Variants in LLGL2 observed in about 807,000 individuals in gnomAD.
LLGL2 encodes the protein LLGL2, scribble cell polarity complex component.
In LLGL2, 81 loss-of-function variants were observed where a neutral mutation model predicts 123.2. That is an observed-to-expected ratio of 0.66 (90% CI 0.55 to 0.79). The LOEUF (loss-of-function observed/expected upper bound fraction) is 0.79. LLGL2 is among the 30% of genes least tolerant of loss of function. LLGL2 has a pLI of 0.00. For missense variants in LLGL2, 1,273 were observed against 1,414.6 expected, an observed-to-expected ratio of 0.90 and a Z score of 1.61; for synonymous variants, 577 against 594.1, an observed-to-expected ratio of 0.97 and a Z score of 0.42.
chr17:75,563,263 G>A (rs1238479006), intron 7 of LLGL2, 68 bp from the exon 8 acceptor site: 4 of 1,603,180 alleles, frequency 2.5e-6, no homozygotes, highest in Admixed American at 3.4e-5. Context: ...GAGGCATGGG[G>A]TGCAGGCGAT....
rs565678374 is a variant in LLGL2, at chr17:75,559,045, CT to C, written c.372-206del. ...CACCCCGTGTTATGCTGGAGGGTCC[CT>C]GGCGTCTTTCCTGCCTCCTAGCCCA... is the stretch of plus-strand genomic sequence containing the variant. On this transcript the variant is annotated intron_variant, in intron 5 of 25. Coordinates refer to ENST00000392550, the MANE Select transcript of LLGL2 (RefSeq NM_001031803.2). This position sits in a 1 kb window ranked among gnomAD's most constrained non-coding sequence, Gnocchi z 4.6. 5.3e-5 allele frequency: 33 copies of C among 619,450 alleles called. No individual in the cohort carries two copies. The South Asian group carries it at 6.8e-4, about 13-fold the overall frequency. 38.4% of individuals were successfully genotyped at this position (619,450 alleles called of 1,614,324 possible). A position where few individuals can be genotyped will look rare whatever the true frequency, so the allele number is the denominator to read the frequency against.
rs545064793 is a variant in LLGL2, at chr17:75,564,688, C to A, written c.1036+181C>A. 3.3e-5 allele frequency: 33 copies of A among 987,176 alleles called. No homozygotes were observed. In the East Asian group the frequency reaches 9.0e-4, roughly 27 times the overall value. The allele number at this position is 987,176 out of a possible 1,614,324, so 61.2% of individuals were successfully genotyped here. A position where few individuals can be genotyped will look rare whatever the true frequency, so the allele number is the denominator to read the frequency against. On this transcript the variant is annotated intron_variant, in intron 10 of 25. Transcript: ENST00000392550. This position sits in a 1 kb window ranked among gnomAD's most constrained non-coding sequence, Gnocchi z 4.9. ...GTCCAGCCTGGACAACGTAGGGAGA[C>A]CCTTGTCTCTACAAAAAATAAAAAA...
chr17:75,562,865 C>T (rs900920799), intron 6 of LLGL2, 151 bp from the exon 7 acceptor site: 30 of 958,610 alleles, frequency 3.1e-5, no homozygotes, highest in Non-Finnish European at 3.8e-5. Context: ...CCACCACGCT[C>T]GGCCATCCAC....
intron 2 of LLGL2, among the ~76,000 whole-genome samples, chr17:75,546,645 G>C (rs1325484344): frequency 6.4e-5 from 2 of 31,302 alleles, no homozygotes; most frequent in Non-Finnish European, 2.0e-4. Flanking sequence ...CAGGCGGAGG[G>C]CAGGTCCAGC....
In LLGL2 at chr17:75,558,494, G is replaced by A. The variant is rs377740599; in HGVS notation, c.256-18G>A. The A allele has an allele frequency of 3.7e-5, 57 of 1,560,864 alleles. No homozygotes were observed. The highest frequency in any genetic ancestry group is 2.6e-4 in the South Asian group (22 of 85,200). On this transcript the variant is annotated intron_variant, in intron 4 of 25. Transcript: ENST00000392550. This position sits in a 1 kb window ranked among gnomAD's most constrained non-coding sequence, Gnocchi z 4.0. ...CTGGGTAGCAAGACCACATGATCCCGTCGTGTGCCCTCGCCAGTGCCAGCT... is the reference window on the plus strand; with the variant it reads ...CTGGGTAGCAAGACCACATGATCCCATCGTGTGCCCTCGCCAGTGCCAGCT...
intron 1 of LLGL2, among the ~76,000 whole-genome samples, chr17:75,536,688 G>T (rs1046352796): frequency 6.6e-6 from 1 of 152,130 alleles, no homozygotes; most frequent in Non-Finnish European, 1.5e-5. Flanking sequence ...ACAAAAAGGA[G>T]AAAAAAGAAT....
Position 75,544,262 on chromosome 17 carries a change from G to A in LLGL2, c.75+761G>A, listed in dbSNP as rs2054327173. Among the ~76,000 whole-genome samples, 1 of 152,216 alleles carries A rather than the reference G, an allele frequency of 6.6e-6. No individual in the cohort carries two copies. The highest frequency in any genetic ancestry group is 1.5e-5 in the Non-Finnish European group (1 of 68,028). On this transcript the variant is annotated intron_variant, in intron 2 of 25. Coordinates refer to ENST00000392550, the MANE Select transcript of LLGL2 (RefSeq NM_001031803.2). The surrounding 1 kb of genome is among the most constrained non-coding windows in gnomAD (Gnocchi z 4.2). ...TCTGCTTTGCGCCTCTGCTGGGAAG[G>A]TGGGCTGCAGGAACTGGGACACTGT...
chr17:75,569,452 G>A (rs1225679901), intron 14 of LLGL2, 127 bp downstream of exon 14: 5 of 778,692 alleles, frequency 6.4e-6, no homozygotes, highest in East Asian at 5.3e-5. Context: ...GGATGGAGGT[G>A]GCTTGATCCC....
In LLGL2 at chr17:75,559,995, C is replaced by G. The variant is rs561290302; in HGVS notation, c.530+585C>G. ...GAGAGGAGATAGCATCTGACAAGAT[C>G]ATGTTGGGGCCGGGTCGGTCATGGT... On this transcript the variant is annotated intron_variant, in intron 6 of 25. Transcript: ENST00000392550. This position sits in a 1 kb window ranked among gnomAD's most constrained non-coding sequence, Gnocchi z 4.6. Among the ~76,000 whole-genome samples, 2 of 152,154 alleles carry G rather than the reference C, an allele frequency of 1.3e-5. No homozygotes were observed. Among genetic ancestry groups the G allele is most frequent in the Admixed American group, 6.5e-5 (1 of 15,272 alleles).
chr17:75,552,220 C>T (rs1235395598), intron 2 of LLGL2, among the ~76,000 whole-genome samples: 1 of 152,062 alleles, frequency 6.6e-6, no homozygotes, highest in East Asian at 1.9e-4. Flanking sequence ...GTGGCTCATA[C>T]CTGTAATCCC....
chr17:75,560,666 A>G (rs953345934), intron 6 of LLGL2, among the ~76,000 whole-genome samples: 1 of 149,510 alleles, frequency 6.7e-6, no homozygotes, highest in Admixed American at 6.7e-5. Flanking sequence ...TTGTATTTTT[A>G]GTAGAGACAG....
At chr17:75,551,762 G>A (rs1349713758) in intron 2 of LLGL2, among the ~76,000 whole-genome samples, 2 of 152,192 alleles carry the variant, frequency 1.3e-5, no homozygotes, top group Non-Finnish European at 2.9e-5. Flanking sequence ...AATATAATAT[G>A]AGCCATGTAT....
At chr17:75,533,807 C>T (rs1379953007) in intron 1 of LLGL2, 14 of 152,200 alleles carry the variant, frequency 9.2e-5, no homozygotes, top group African/African-American at 2.2e-4. Flanking sequence ...ATTGGGAACC[C>T]GCATGGTAGG....
chr17:75,558,436 G>A lies in LLGL2; in HGVS notation c.256-76G>A, dbSNP rs1380314760. Reference sequence around the variant, plus strand: ...GGCCAGGGGGTCTTTTAAACAACTGGGGCTGCGTGGCCCCAGTGTGTAAAG... The same window carrying A: ...GGCCAGGGGGTCTTTTAAACAACTGAGGCTGCGTGGCCCCAGTGTGTAAAG... On this transcript the variant is annotated intron_variant, in intron 4 of 25. Coordinates refer to ENST00000392550, the MANE Select transcript of LLGL2 (RefSeq NM_001031803.2). This position sits in a 1 kb window ranked among gnomAD's most constrained non-coding sequence, Gnocchi z 4.0. 1.6e-5 allele frequency: 21 copies of A among 1,318,518 alleles called. 1 individual carries two copies. The highest frequency in any genetic ancestry group is 2.1e-5 in the Non-Finnish European group (20 of 949,638). The allele number at this position is 1,318,518 out of a possible 1,614,324, so 81.7% of individuals were successfully genotyped here.
intron 1 of LLGL2, among the ~76,000 whole-genome samples, chr17:75,527,572 T>C (rs1353832367): frequency 6.6e-6 from 1 of 152,046 alleles, no homozygotes; most frequent in East Asian, 1.9e-4. Context: ...AGTAACTTTT[T>C]TCTCTTTTTT....
At chr17:75,526,009 A>G (rs1262466434) in intron 1 of LLGL2, among the ~76,000 whole-genome samples, 184 bp downstream of exon 1, 24 of 152,104 alleles carry the variant, frequency 1.6e-4, no homozygotes, top group Admixed American at 1.6e-3. Context: ...ACACCTGTAG[A>G]AAGTTCTGCG....
rs912908576 is a variant in LLGL2 at position 75,570,892 on chromosome 17, C to G, written c.2026-58C>G. 2.6e-6 allele frequency: 4 copies of G among 1,536,438 alleles called. No individual in the cohort carries two copies. In the African/African-American group the frequency reaches 5.5e-5, roughly 21 times the overall value. ...ATGCAAGGATCAGCACTGAGCGAAGCACTGTTCCTGGGGAGGGGAGTCCAG... is the reference window on the plus strand; with the variant it reads ...ATGCAAGGATCAGCACTGAGCGAAGGACTGTTCCTGGGGAGGGGAGTCCAG... On this transcript the variant is annotated intron_variant, in intron 16 of 25. Coordinates refer to ENST00000392550, the MANE Select transcript of LLGL2 (RefSeq NM_001031803.2).
intron 1 of LLGL2, among the ~76,000 whole-genome samples, chr17:75,536,762 C>T (rs1276144151): frequency 6.6e-6 from 1 of 152,226 alleles, no homozygotes; most frequent in Non-Finnish European, 1.5e-5. Flanking sequence ...ATAGATTCTA[C>T]CTGACTCTTG....
At chr17:75,529,251 C>T (rs2053687476) in intron 1 of LLGL2, among the ~76,000 whole-genome samples, 1 of 151,794 alleles carries the variant, frequency 6.6e-6, no homozygotes, top group East Asian at 2.0e-4. Context: ...GGATGGAGCA[C>T]AGTGGCGTGA....
Sources: allele counts gnomAD v4.1 joint callset (sites outside exome capture counted in the v4.1 genomes callset), GRCh38; gene constraint gnomAD v4.1.1; non-coding constraint Gnocchi (gnomAD v3.1); transcripts MANE v1.5; gene names NCBI Gene and HGNC (gene_info 2026-07-23, HGNC 2026-07-21).